The following CDH12 variants were observed in gnomAD, a reference collection of about 807,000 sequenced individuals.
CDH12 encodes cadherin-12.
Under a neutral mutation model 74.1 loss-of-function variants are expected in CDH12, and 41 were observed. The ratio of observed to expected loss-of-function variants is 0.55; its 90% CI spans 0.43 to 0.72. The LOEUF (loss-of-function observed/expected upper bound fraction) is 0.72, where lower values mean the gene tolerates loss of function less well. Among genes scored for constraint, CDH12 ranks in the 30% least tolerant of loss-of-function variants. The pLI is 0.00. For missense variants in CDH12, 945 were observed against 977.2 expected (o/e 0.97, Z 0.44); for synonymous variants, 399 against 355.0 (o/e 1.12, Z -1.39).
chr5:22,849,333 C>T (rs965901431), intron 1 of CDH12, among the ~76,000 whole-genome samples: 9 of 152,166 alleles, frequency 5.9e-5, no homozygotes, highest in South Asian at 2.1e-4. Flanking sequence ...ATCATGTAGA[C>T]GGTGCATCAG....
chr5:21,891,711 A>G (rs1752909092), intron 6 of CDH12, among the ~76,000 whole-genome samples: 1 of 152,100 alleles, frequency 6.6e-6, no homozygotes, highest in Non-Finnish European at 1.5e-5. Context: ...ATTTATCTCT[A>G]TAGGAGACAA....
chr5:22,620,170 T>TA (rs1737901091), intron 1 of CDH12, among the ~76,000 whole-genome samples: 1 of 152,122 alleles, frequency 6.6e-6, no homozygotes, highest in Admixed American at 6.6e-5. Context: ...AAGTCACAAA[T>TA]AAGAGTTTTC....
intron 2 of CDH12, among the ~76,000 whole-genome samples, chr5:22,425,077 TAGAGAGAG>T (rs56983010): frequency 5.2e-4 from 53 of 101,726 alleles, no homozygotes; most frequent in Non-Finnish European, 6.3e-4. Context: ...TATATATATA[TAGAGAGAG>T]AGAGAGAGAG....
At chr5:21,947,200 T>C (rs1390811805) in intron 6 of CDH12, among the ~76,000 whole-genome samples, 1 of 152,094 alleles carries the variant, frequency 6.6e-6, no homozygotes, top group African/African-American at 2.4e-5. Context: ...TTTATAGCAG[T>C]GTGAGAACAG....
intron 1 of CDH12, among the ~76,000 whole-genome samples, chr5:22,604,111 T>C (rs911573565): frequency 5.3e-5 from 8 of 152,210 alleles, no homozygotes; most frequent in African/African-American, 1.9e-4. Context: ...TTTCAGAATA[T>C]AGGAAATCCA....
chr5:22,587,337 C>A (rs542195711), intron 1 of CDH12, among the ~76,000 whole-genome samples: 1 of 152,214 alleles, frequency 6.6e-6, no homozygotes, highest in East Asian at 1.9e-4. Context: ...TCCCAGAACA[C>A]CATAAGAATA....
intron 1 of CDH12, among the ~76,000 whole-genome samples, chr5:22,581,088 C>T (rs188845497): frequency 6.6e-6 from 1 of 152,104 alleles, no homozygotes; most frequent in Non-Finnish European, 1.5e-5. Context: ...AAATTTAAAC[C>T]AGCTGCAGAA....
At chr5:22,843,828 T>C (rs528131994) in intron 1 of CDH12, among the ~76,000 whole-genome samples, 95 of 152,218 alleles carry the variant, frequency 6.2e-4, no homozygotes, top group African/African-American at 2.2e-3. Flanking sequence ...GCAATTATCA[T>C]GTTGGCACTG....
chr5:22,078,313 C>T, intron 5 of CDH12, 133 bp downstream of exon 5: 1 of 710,716 alleles, frequency 1.4e-6, no homozygotes, highest in Non-Finnish European at 2.4e-6. Context: ...GAAGATAAAC[C>T]AGGTCTCTTG....
chr5:21,835,975 A>G (rs1186853264), intron 8 of CDH12, among the ~76,000 whole-genome samples: 1 of 151,914 alleles, frequency 6.6e-6, no homozygotes, highest in East Asian at 1.9e-4. Flanking sequence ...CATATAGCAT[A>G]TAGACATATA....
At chr5:22,722,049 G>T (rs1345369710) in intron 1 of CDH12, among the ~76,000 whole-genome samples, 1 of 152,132 alleles carries the variant, frequency 6.6e-6, no homozygotes, top group Non-Finnish European at 1.5e-5. Context: ...CCCAGGTTTT[G>T]CTGACATATG....
chr5:22,259,499 G>A (rs554620149), intron 3 of CDH12, among the ~76,000 whole-genome samples: 1 of 151,950 alleles, frequency 6.6e-6, no homozygotes, highest in Non-Finnish European at 1.5e-5. Flanking sequence ...AGTAGCCATC[G>A]TTCTAATTAT....
At chr5:22,709,121 G>A (rs771100458) in intron 1 of CDH12, among the ~76,000 whole-genome samples, 39 of 152,156 alleles carry the variant, frequency 2.6e-4, no homozygotes, top group Non-Finnish European at 5.3e-4. Context: ...GCAGTCTCCC[G>A]CAGGACCTGT....
Position 22,097,527 on chromosome 5 carries a change from A to G in CDH12, c.-186-18665T>C, listed in dbSNP as rs184241699. 2.6e-4 allele frequency among the ~76,000 whole-genome samples: 40 copies of G among 152,188 alleles called. 1 individual carries two copies. In the East Asian group the frequency reaches 5.8e-3, roughly 22 times the overall value. ...AAACATCTTTAAACTCCCCAACTCTAGTGCCAACTTAGACAATACTCTTTT... is the reference window on the plus strand; with the variant it reads ...AAACATCTTTAAACTCCCCAACTCTGGTGCCAACTTAGACAATACTCTTTT... On this transcript the variant is annotated intron_variant, in intron 4 of 14. Transcript: ENST00000382254.
At chr5:21,788,656 T>A (rs1219520377) in intron 10 of CDH12, among the ~76,000 whole-genome samples, 1 of 152,050 alleles carries the variant, frequency 6.6e-6, no homozygotes, top group Non-Finnish European at 1.5e-5. Flanking sequence ...ACAATAAAGT[T>A]CCAAACATCT....
At chr5:22,548,458 A>G (rs10155593) in intron 1 of CDH12, among the ~76,000 whole-genome samples, 24,569 of 152,100 alleles carry the variant, frequency 0.16, 2,553 homozygotes, top group East Asian at 0.37. Context: ...AGTGCTTCCC[A>G]GATTTAAAAC....
chr5:22,317,429 C>CAT (rs1156833796), intron 3 of CDH12, among the ~76,000 whole-genome samples: 2 of 152,060 alleles, frequency 1.3e-5, no homozygotes, highest in African/African-American at 4.8e-5. Flanking sequence ...TATAAACACT[C>CAT]ATATATATAC....
chr5:22,450,013 A>G (rs544761015), intron 2 of CDH12, among the ~76,000 whole-genome samples: 3 of 152,144 alleles, frequency 2.0e-5, no homozygotes, highest in African/African-American at 7.2e-5. Flanking sequence ...TACAATACTA[A>G]TTCCCTTAAA....
chr5:22,389,534 G>A (rs911802914), intron 3 of CDH12, among the ~76,000 whole-genome samples: 10 of 151,954 alleles, frequency 6.6e-5, no homozygotes, highest in East Asian at 3.9e-4. Context: ...TCTTTTTCAC[G>A]TAAAAGTGAA....
Sources: gnomAD v4.1 joint callset for allele counts (sites outside exome capture counted in the v4.1 genomes callset) on GRCh38, gnomAD v4.1.1 for gene constraint, MANE v1.5 for transcripts, NCBI Gene and HGNC (gene_info 2026-07-23, HGNC 2026-07-21) for gene names.